Variants in LOC122539214 observed in about 807,000 individuals in gnomAD.
chr19:52,681,558 A>G, the LOC122539214 span, among the ~76,000 whole-genome samples: 1 of 152,224 alleles, frequency 6.6e-6, no homozygotes, highest in African/African-American at 2.4e-5. Context: ...ATAAAATAAC[A>G]TACTGTCCCA....
chr19:52,673,345 A>T, the LOC122539214 span, among the ~76,000 whole-genome samples: 5 of 152,180 alleles, frequency 3.3e-5, no homozygotes, highest in African/African-American at 9.7e-5. Flanking sequence ...TCTCTAAAAA[A>T]ATACAAAATT....
the LOC122539214 span, among the ~76,000 whole-genome samples, chr19:52,679,791 T>G: frequency 2.0e-5 from 3 of 152,110 alleles, no homozygotes; most frequent in African/African-American, 7.2e-5. Flanking sequence ...AATTTTCTGT[T>G]TTTATGCAAA....
the LOC122539214 span, among the ~76,000 whole-genome samples, chr19:52,687,532 A>T: frequency 5.1e-5 from 1 of 19,694 alleles, no homozygotes; most frequent in Non-Finnish European, 1.1e-4. Context: ...TTATATATAA[A>T]TTATATATAT....
the LOC122539214 span, among the ~76,000 whole-genome samples, chr19:52,688,588 CCTCT>C: frequency 2.6e-5 from 4 of 151,546 alleles, no homozygotes; most frequent in South Asian, 8.4e-4. Context: ...TCATTTTGTA[CCTCT>C]CTCCTCTCCT....
At chr19:52,687,569 ATAT>A in the LOC122539214 span, among the ~76,000 whole-genome samples, 1 of 59,410 alleles carries the variant, frequency 1.7e-5, no homozygotes, top group African/African-American at 6.5e-5. Context: ...TTTTATATAT[ATAT>A]AAATTTTATA....
At chr19:52,653,802 A>G in the LOC122539214 span, among the ~76,000 whole-genome samples, 1 of 152,244 alleles carries the variant, frequency 6.6e-6, no homozygotes, top group Non-Finnish European at 1.5e-5. Flanking sequence ...ACACTTTGCC[A>G]CATACATCAC....
At chr19:52,680,606 ATT>A in the LOC122539214 span, among the ~76,000 whole-genome samples, 3,576 of 88,630 alleles carry the variant, frequency 0.04, 19 homozygotes, top group African/African-American at 0.09. Flanking sequence ...TCCACAAAAT[ATT>A]TTTTTTTTTT....
the LOC122539214 span, among the ~76,000 whole-genome samples, chr19:52,681,060 A>T: frequency 6.6e-6 from 1 of 151,802 alleles, no homozygotes; most frequent in African/African-American, 2.4e-5. Context: ...CAAGCCGGGC[A>T]GATCATTTGA....
chr19:52,685,192 A>T, the LOC122539214 span, among the ~76,000 whole-genome samples: 11 of 152,296 alleles, frequency 7.2e-5, no homozygotes, highest in Admixed American at 2.6e-4. Flanking sequence ...TTCAGGGGCC[A>T]GGGTCACTCA....
chr19:52,671,537 G>A, the LOC122539214 span, among the ~76,000 whole-genome samples: 1 of 151,886 alleles, frequency 6.6e-6, no homozygotes, highest in Non-Finnish European at 1.5e-5. Context: ...TCAACCTCTG[G>A]TGCTCAAGCA....
chr19:52,663,822 T>C, the LOC122539214 span, among the ~76,000 whole-genome samples: 1 of 152,260 alleles, frequency 6.6e-6, no homozygotes, highest in Non-Finnish European at 1.5e-5. Context: ...ATATAATAGT[T>C]TGAAAATGAT....
the LOC122539214 span, among the ~76,000 whole-genome samples, chr19:52,689,982 C>G: frequency 2.0e-5 from 3 of 152,118 alleles, no homozygotes; most frequent in Non-Finnish European, 4.4e-5. Flanking sequence ...AGGTGGGGGG[C>G]GACGGCGCCT....
At chr19:52,675,449 G>A in the LOC122539214 span, among the ~76,000 whole-genome samples, 683 of 152,266 alleles carry the variant, frequency 4.5e-3, 2 homozygotes, top group African/African-American at 0.016. Flanking sequence ...GCTGAGCTGC[G>A]CTGCTGACAG....
chr19:52,690,145 A>C, the LOC122539214 span, among the ~76,000 whole-genome samples: 1 of 151,610 alleles, frequency 6.6e-6, no homozygotes, highest in Non-Finnish European at 1.5e-5. Flanking sequence ...AGGACGTTAA[A>C]AAGCGCGGGG....
the LOC122539214 span, among the ~76,000 whole-genome samples, chr19:52,671,457 T>C: frequency 6.6e-6 from 1 of 152,134 alleles, no homozygotes; most frequent in African/African-American, 2.4e-5. Context: ...TTTTTTTTTT[T>C]CCTTCAGACA....
chr19:52,677,417 TGGA>T, the LOC122539214 span, among the ~76,000 whole-genome samples: 1 of 151,050 alleles, frequency 6.6e-6, no homozygotes, highest in East Asian at 2.0e-4. Flanking sequence ...ACCCTGGCAG[TGGA>T]GGTTGCAGTG....
chr19:52,656,011 GACC>G, the LOC122539214 span, among the ~76,000 whole-genome samples: 1 of 152,122 alleles, frequency 6.6e-6, no homozygotes, highest in East Asian at 1.9e-4. Flanking sequence ...AGGAGTTCGA[GACC>G]ACCCAGGGCA....
At chr19:52,680,802 C>T in the LOC122539214 span, among the ~76,000 whole-genome samples, 22 of 148,338 alleles carry the variant, frequency 1.5e-4, no homozygotes, top group East Asian at 1.0e-3. Flanking sequence ...TTAGTAGAGA[C>T]GGGGTTTCAC....
the LOC122539214 span, among the ~76,000 whole-genome samples, chr19:52,687,614 G>GTATA: frequency 8.6e-5 from 1 of 11,628 alleles, no homozygotes; most frequent in African/African-American, 1.0e-3. Context: ...TATATATAAT[G>GTATA]TGTATATATA....
Sources: gnomAD v4.1 joint callset for allele counts (sites outside exome capture counted in the v4.1 genomes callset) on GRCh38, gnomAD v4.1.1 for gene constraint, MANE v1.5 for transcripts.